Variants in RNF212B observed in about 807,000 individuals in gnomAD.
RNF212B encodes the protein E3 ubiquitin-protein ligase RNF212B.
Under a neutral mutation model 55.5 loss-of-function variants are expected in RNF212B, and 52 were observed. The ratio of observed to expected loss-of-function variants is 0.94; its 90% CI spans 0.75 to 1.18. The LOEUF is 1.18. Ranked by LOEUF, RNF212B falls within the 50% of genes most tolerant of loss-of-function variation. The pLI, the probability that RNF212B is intolerant of heterozygous loss-of-function variation, is 0.00. For synonymous variants in RNF212B, 99 were observed against 121.4 expected (o/e 0.82, Z 1.21); for missense variants, 289 against 350.4 (o/e 0.82, Z 1.40).
At chr14:23,269,722 A>G (rs1885937965) in intron 12 of RNF212B, 141 bp from the exon 13 acceptor site, 3 of 597,374 alleles carry the variant, frequency 5.0e-6, no homozygotes, top group Admixed American at 5.9e-5. Flanking sequence ...AAAAAAAAAA[A>G]AAGAAAAAAT....
intron 2 of RNF212B, among the ~76,000 whole-genome samples, chr14:23,201,285 A>C (rs1401017420): frequency 1.3e-5 from 2 of 152,188 alleles, no homozygotes; most frequent in African/African-American, 2.4e-5. Flanking sequence ...ACCATCTTCT[A>C]AAGAGAACCA....
chr14:23,269,998 A>G (rs140962722), intron 13 of RNF212B, 38 bp downstream of exon 13: 3 of 1,075,250 alleles, frequency 2.8e-6, no homozygotes, highest in Admixed American at 2.0e-5. Context: ...TGGAGCTTCA[A>G]CTATAGACAC....
At chr14:23,208,947 A>G (rs529048343) in intron 2 of RNF212B, among the ~76,000 whole-genome samples, 5 of 150,876 alleles carry the variant, frequency 3.3e-5, no homozygotes, top group African/African-American at 9.7e-5. Context: ...TTTAGTAGAG[A>G]CGGGGTTTCA....
chr14:23,189,823 A>G (rs1300321433), intron 1 of RNF212B, among the ~76,000 whole-genome samples: 1 of 152,086 alleles, frequency 6.6e-6, no homozygotes, highest in African/African-American at 2.4e-5. Flanking sequence ...ATGTGAAAAA[A>G]TGAACAGAAC....
At chr14:23,271,917 G>A (rs1426923933) in intron 14 of RNF212B, among the ~76,000 whole-genome samples, 4 of 152,070 alleles carry the variant, frequency 2.6e-5, no homozygotes, top group South Asian at 2.1e-4. Context: ...TGATGATATC[G>A]TAGTTATGTT....
chr14:23,269,532 G>A (rs922663043), intron 12 of RNF212B, among the ~76,000 whole-genome samples: 1 of 152,084 alleles, frequency 6.6e-6, no homozygotes, highest in Non-Finnish European at 1.5e-5. Flanking sequence ...AGGTGTTGGA[G>A]ACCAGGCTGA....
At chr14:23,219,712 T>C (rs566652325) in intron 2 of RNF212B, among the ~76,000 whole-genome samples, 1 of 152,126 alleles carries the variant, frequency 6.6e-6, no homozygotes, top group South Asian at 2.1e-4. Context: ...CCTCAGGTGA[T>C]CTGCCTGCCT....
At position 23,219,470 on chromosome 14, in the gene RNF212B, CCTT is replaced by C. The variant is rs933597512; in HGVS notation, c.-1-20872_-1-20870del. Among the ~76,000 whole-genome samples the C allele has an allele frequency of 5.4e-4, 74 of 137,520 alleles. 1 individual carries two copies. The highest frequency in any genetic ancestry group is 1.7e-3 in the African/African-American group (51 of 29,314). The allele number at this position is 137,520 out of a possible 152,430, so 90.2% of individuals were successfully genotyped here. On this transcript the variant is annotated intron_variant, in intron 2 of 15. Coordinates refer to the RNF212B transcript ENST00000399910. ...TGAAGTGTAGCGCTCTCCTTCTTCT[CCTT>C]CTAGTTTTTTTTTTTTTTGAGACAG... is the stretch of plus-strand genomic sequence containing the variant.
chr14:23,220,686 G>A (rs553159056), intron 2 of RNF212B, among the ~76,000 whole-genome samples: 7 of 151,658 alleles, frequency 4.6e-5, no homozygotes, highest in East Asian at 3.9e-4. Context: ...TTAGCTGGGC[G>A]TGGTGGCGGG....
intron 2 of RNF212B, among the ~76,000 whole-genome samples, chr14:23,211,295 AC>A (rs146222536): frequency 0.039 from 5,941 of 152,202 alleles, 389 homozygotes; most frequent in African/African-American, 0.13. Flanking sequence ...GACATAAACT[AC>A]TAAAACACAG....
intron 4 of RNF212B, among the ~76,000 whole-genome samples, chr14:23,245,421 T>C (rs1467679831): frequency 6.6e-6 from 1 of 152,172 alleles, no homozygotes; most frequent in Non-Finnish European, 1.5e-5. Context: ...GAGCAGACCT[T>C]TAGTTAATAA....
chr14:23,259,622 T>C (rs974545005), intron 5 of RNF212B: 9 of 268,810 alleles, frequency 3.3e-5, no homozygotes, highest in African/African-American at 2.0e-4. Context: ...GGTGTGTGTG[T>C]GGGTGGAGAG....
intron 4 of RNF212B, among the ~76,000 whole-genome samples, chr14:23,256,823 A>G (rs898678542): frequency 3.3e-5 from 5 of 152,148 alleles, no homozygotes; most frequent in African/African-American, 1.2e-4. Flanking sequence ...GGTAGTTGAG[A>G]TTACAGGAAT....
At position 23,232,066 on chromosome 14, in the gene RNF212B, C is replaced by T. The variant is rs188422556; in HGVS notation, c.-1-8279C>T. 9.1e-3 allele frequency among the ~76,000 whole-genome samples: 1,383 copies of T among 152,226 alleles called. 16 individuals carry two copies. Among genetic ancestry groups the T allele is most frequent in the African/African-American group, 0.031 (1,298 of 41,524 alleles). The stretch of plus-strand genomic sequence containing the variant: ...TTGCAGCCTCTGCCCGGCTGCCACC[C>T]CGTCTGGGATGTGAGGAGCGTCTCT... On this transcript the variant is annotated intron_variant, in intron 2 of 15. Transcript: ENST00000399910.
intron 1 of RNF212B, among the ~76,000 whole-genome samples, chr14:23,239,975 GA>G (rs1302608862): frequency 4.2e-5 from 6 of 141,830 alleles, no homozygotes; most frequent in South Asian, 4.5e-4. Flanking sequence ...AAACCTGGGG[GA>G]AAAAAAAGTA....
rs1360770716 is a variant in RNF212B at position 23,269,906 on chromosome 14, C to A, written c.718C>A (p.Pro240Thr). 1.3e-6 allele frequency: 2 copies of A among 1,549,664 alleles called. No individual in the cohort carries two copies. Among genetic ancestry groups the A allele is most frequent in the African/African-American group, 1.4e-5 (1 of 73,118 alleles). ...SSGQGIFSFRPSPNGHSGHTR... is the reference protein window; with the variant it reads ...SSGQGIFSFRTSPNGHSGHTR... ...TGGACAGGGGATTTTTTCTTTCAGA[C>A]CATCCCCAAATGGGCATTCAGGCCA... Residue 240 changes from proline to threonine, a missense_variant, in exon 13 of 15, where the codon CCA becomes ACA. Pro to Thr is a conservative substitution (Grantham distance 38). Transcript: ENST00000430154.
intron 2 of RNF212B, among the ~76,000 whole-genome samples, chr14:23,213,859 C>T (rs1226514473): frequency 6.6e-6 from 1 of 152,062 alleles, no homozygotes; most frequent in Non-Finnish European, 1.5e-5. Flanking sequence ...ATACAAGAAC[C>T]AGGAAAATCT....
chr14:23,247,395 C>T (rs2140447769), intron 4 of RNF212B, among the ~76,000 whole-genome samples: 3 of 152,266 alleles, frequency 2.0e-5, no homozygotes, highest in African/African-American at 7.2e-5. Context: ...TACTTATCGG[C>T]AGGCACTTCC....
At chr14:23,208,757 G>GGTTT (rs1182142805) in intron 2 of RNF212B, among the ~76,000 whole-genome samples, 2,396 of 98,076 alleles carry the variant, frequency 0.024, 83 homozygotes, top group Middle Eastern at 0.048. Context: ...GCTGGTTGCC[G>GGTTT]TTTTTTTTTT....
Sources: allele counts gnomAD v4.1 joint callset (sites outside exome capture counted in the v4.1 genomes callset), GRCh38; gene constraint gnomAD v4.1.1; transcripts MANE v1.5; gene names NCBI Gene and HGNC (gene_info 2026-07-23, HGNC 2026-07-21).